Variants in RAB40C observed in about 807,000 individuals in gnomAD.
RAB40C encodes RAB40C, member RAS oncogene family, also known as ras-related protein Rab-40C.
Under a neutral mutation model 28.1 loss-of-function variants are expected in RAB40C, and 8 were observed. That is an observed-to-expected ratio of 0.28 (90% confidence interval 0.17 to 0.51). RAB40C has a LOEUF of 0.51. RAB40C is among the 20% of genes least tolerant of loss of function. The pLI, the probability that RAB40C is intolerant of heterozygous loss-of-function variation, is 0.97. For synonymous variants in RAB40C, 201 were observed against 171.7 expected (o/e 1.17, Z -1.34); for missense variants, 288 against 405.9 (o/e 0.71, Z 2.50).
chr16:590,619 C>CG (rs1304255154), intron 1 of RAB40C, among the ~76,000 whole-genome samples, 186 bp downstream of exon 1: 4 of 152,190 alleles, frequency 2.6e-5, no homozygotes, highest in East Asian at 1.9e-4. Context: ...GAGGTGACGC[C>CG]GGGGGGCAGG....
chr16:603,659 G>A (rs1260685871), intron 1 of RAB40C, among the ~76,000 whole-genome samples: 1 of 152,036 alleles, frequency 6.6e-6, no homozygotes, highest in African/African-American at 2.4e-5. Flanking sequence ...TACCCTCTTT[G>A]CATGTACAGT....
At chr16:627,300 T>C in intron 5 of RAB40C, 42 bp from the exon 6 acceptor site, 1 of 1,574,172 alleles carries the variant, frequency 6.4e-7, no homozygotes, top group South Asian at 1.2e-5. Context: ...CAGGGCCTCC[T>C]CCCCCACAGC....
At chr16:590,529 C>G in intron 1 of RAB40C, 96 bp downstream of exon 1, 2 of 1,349,834 alleles carry the variant, frequency 1.5e-6, no homozygotes, top group Non-Finnish European at 1.9e-6. Flanking sequence ...CCAAGCGCCG[C>G]CGAACGTTCC....
chr16:627,269 G>T, intron 5 of RAB40C, 73 bp from the exon 6 acceptor site: 1 of 1,456,084 alleles, frequency 6.9e-7, no homozygotes, highest in Non-Finnish European at 9.4e-7. Context: ...GCTTCTCTTG[G>T]GCACCTCAGG....
At position 625,709 on chromosome 16, in the gene RAB40C, C is replaced by T. The variant is rs571416186; in HGVS notation, c.343-190C>T. 383 of 821,260 alleles carry T rather than the reference C, an allele frequency of 4.7e-4. No homozygotes were observed. The African/African-American group carries it at 5.7e-3, about 12-fold the overall frequency. The allele number at this position is 821,260 out of a possible 1,614,324, so 50.9% of individuals were successfully genotyped here. ...GCGTGGAGCCCAGCAAGACCAGGAG[C>T]TACGGGGCCACCCGGAAGGGCTGCA... On this transcript the variant is annotated intron_variant, in intron 4 of 5. Coordinates refer to ENST00000248139, the MANE Select transcript of RAB40C (RefSeq NM_021168.5).
chr16:627,004 G>C (rs1353982263), intron 5 of RAB40C, among the ~76,000 whole-genome samples: 1 of 152,194 alleles, frequency 6.6e-6, no homozygotes, highest in Non-Finnish European at 1.5e-5. Context: ...CCCCGCTCTA[G>C]GGGATGAGTC....
At chr16:619,458 T>C (rs2036665372) in intron 3 of RAB40C, among the ~76,000 whole-genome samples, 1 of 152,206 alleles carries the variant, frequency 6.6e-6, no homozygotes, top group African/African-American at 2.4e-5. Flanking sequence ...AGCACGCTTT[T>C]GTGCTGACTG....
In RAB40C at chr16:601,738, A is replaced by G. The variant is rs142133581; in HGVS notation, c.142+11305A>G. Among the ~76,000 whole-genome samples the G allele has an allele frequency of 1.7e-4, 25 of 148,154 alleles. No individual in the cohort carries two copies. The East Asian group carries it at 5.1e-3, about 30-fold the overall frequency. Reference sequence around the variant, plus strand: ...CGCCTATAATCCCAGCTACTTGGGAAGTCAAGGCAGGCGATCCCCTGAGGC... The same window carrying G: ...CGCCTATAATCCCAGCTACTTGGGAGGTCAAGGCAGGCGATCCCCTGAGGC... On this transcript the variant is annotated intron_variant, in intron 1 of 5. Coordinates refer to ENST00000248139, the MANE Select transcript of RAB40C (RefSeq NM_021168.5).
At chr16:625,215 G>A (rs2269556) in intron 3 of RAB40C, 358,265 of 1,425,882 alleles carry the variant, frequency 0.25, 50,024 homozygotes, top group East Asian at 0.63. Context: ...CATGGAAGGC[G>A]CCCACCCCCC....
At chr16:620,881 C>T (rs891034480) in intron 3 of RAB40C, among the ~76,000 whole-genome samples, 1 of 152,052 alleles carries the variant, frequency 6.6e-6, no homozygotes, top group Non-Finnish European at 1.5e-5. Context: ...ACAGGGAGGT[C>T]TGTGGGACAC....
chr16:624,288 A>G (rs1318084693), intron 3 of RAB40C: 1 of 985,276 alleles, frequency 1.0e-6, no homozygotes, highest in African/African-American at 1.7e-5. Context: ...CCCAGCAGCA[A>G]ATGAGCCAGC....
rs537907427 is a variant in RAB40C at position 622,271 on chromosome 16, C to T, written c.265-3161C>T. 3.4e-4 allele frequency among the ~76,000 whole-genome samples: 52 copies of T among 152,180 alleles called. 1 individual carries two copies. The highest frequency in any genetic ancestry group is 4.9e-4 in the Non-Finnish European group (33 of 68,032). On this transcript the variant is annotated intron_variant, in intron 3 of 5. Transcript: ENST00000248139. ...GCTCAGATGCATATTGCCACCGTTA[C>T]CCAAGAGCTGGCGCAGTACCAGTTC...
At chr16:614,491 G>A (rs147864861) in intron 1 of RAB40C, among the ~76,000 whole-genome samples, 1,392 of 94,506 alleles carry the variant, frequency 0.015, 1 homozygote, top group South Asian at 0.027. Flanking sequence ...TAACTCTGCC[G>A]CATCCCGATG....
chr16:619,934 T>C (rs886688483), intron 3 of RAB40C, among the ~76,000 whole-genome samples: 1 of 152,222 alleles, frequency 6.6e-6, no homozygotes, highest in African/African-American at 2.4e-5. Flanking sequence ...CACCCTGTCC[T>C]GGGAGTTCCC....
At chr16:623,658 C>T (rs1254864115) in intron 3 of RAB40C, among the ~76,000 whole-genome samples, 1 of 150,876 alleles carries the variant, frequency 6.6e-6, no homozygotes, top group Non-Finnish European at 1.5e-5. Context: ...AAAAAGAAAT[C>T]ATGCTGGGCT....
At chr16:600,677 G>C in intron 1 of RAB40C, among the ~76,000 whole-genome samples, 1 of 152,182 alleles carries the variant, frequency 6.6e-6, no homozygotes, top group Non-Finnish European at 1.5e-5. Flanking sequence ...CTTGAACCTG[G>C]GGAGGCGGAG....
intron 1 of RAB40C, chr16:616,910 G>A (rs954020382): frequency 9.7e-6 from 4 of 413,502 alleles, no homozygotes; most frequent in African/African-American, 4.0e-5. Flanking sequence ...CAGGCAAGCC[G>A]TGCCCATGGA....
At chr16:591,514 G>A (rs2151056259) in intron 1 of RAB40C, among the ~76,000 whole-genome samples, 1 of 152,288 alleles carries the variant, frequency 6.6e-6, no homozygotes, top group African/African-American at 2.4e-5. Context: ...TGCTGAGGGA[G>A]TCAACGCTTT....
rs1318969172 is a variant in RAB40C at position 628,233 on chromosome 16, T to C, written c.*611T>C. 1 of 152,222 alleles carries C rather than the reference T, an allele frequency of 6.6e-6. No homozygotes were observed. The highest frequency in any genetic ancestry group is 1.9e-4 in the East Asian group (1 of 5,186). The allele number at this position is 152,222 out of a possible 1,614,324, so 9.4% of individuals were successfully genotyped here. A position where few individuals can be genotyped will look rare whatever the true frequency, so the allele number is the denominator to read the frequency against. On this transcript the variant is annotated 3_prime_UTR_variant, in exon 6 of 6. Coordinates refer to ENST00000248139, the MANE Select transcript of RAB40C (RefSeq NM_021168.5). The stretch of plus-strand genomic sequence containing the variant: ...CCTGTGGTCAGAGCCCAAGCAGCAC[T>C]CAGGAGAGGGGAGAAAGGAGGTGCA...
Sources: allele counts gnomAD v4.1 joint callset (sites outside exome capture counted in the v4.1 genomes callset), GRCh38; gene constraint gnomAD v4.1.1; transcripts MANE v1.5; gene names NCBI Gene and HGNC (gene_info 2026-07-23, HGNC 2026-07-21).